AOX1: variants seen among roughly 807,000 people sequenced by gnomAD.
AOX1 encodes the protein aldehyde oxidase 1, also known as aldehyde oxidase.
AOX1 carries 153 observed loss-of-function variants against 169.5 expected under a neutral mutation model. The observed-to-expected ratio is 0.90, with a 90% CI of 0.79 to 1.03. The LOEUF (loss-of-function observed/expected upper bound fraction) is 1.03, where lower values mean the gene tolerates loss of function less well. Among genes scored for constraint, AOX1 ranks in the 50% least tolerant of loss-of-function variants. AOX1 has a pLI of 0.00. For synonymous variants in AOX1, 562 were observed against 581.9 expected (o/e 0.97, Z 0.49); for missense variants, 1,656 against 1,663.9 (o/e 1.00, Z 0.08).
intron 25 of AOX1, among the ~76,000 whole-genome samples, chr2:200,644,672 C>G (rs2035416247): frequency 6.6e-6 from 1 of 152,108 alleles, no homozygotes; most frequent in Non-Finnish European, 1.5e-5. Flanking sequence ...TTGATTCTAC[C>G]CATCCATGAG....
At chr2:200,652,264 A>G (rs1034360401) in intron 26 of AOX1, among the ~76,000 whole-genome samples, 5 of 152,294 alleles carry the variant, frequency 3.3e-5, no homozygotes, top group Non-Finnish European at 5.9e-5. Flanking sequence ...CTTTGATTGT[A>G]GGCAGGTGGT....
At chr2:200,626,263 C>CG in intron 19 of AOX1, among the ~76,000 whole-genome samples, 1 of 152,324 alleles carries the variant, frequency 6.6e-6, no homozygotes, top group South Asian at 2.1e-4. Context: ...TGGGCCCCAC[C>CG]GGTGCTATAA....
chr2:200,661,854 T>G (rs914666154), intron 30 of AOX1, among the ~76,000 whole-genome samples: 1 of 152,182 alleles, frequency 6.6e-6, no homozygotes, highest in Non-Finnish European at 1.5e-5. Flanking sequence ...GCACACAAAA[T>G]TCAGCTTAAC....
intron 32 of AOX1, 78 bp from the exon 33 acceptor site, chr2:200,668,537 C>G (rs2035966889): frequency 8.0e-7 from 1 of 1,256,368 alleles, no homozygotes; most frequent in Admixed American, 2.4e-5. Flanking sequence ...TTCAAGCAAA[C>G]AGCATGAAGT....
At chr2:200,637,121 C>A (rs143058314) in intron 22 of AOX1, 77 bp downstream of exon 22, 26,781 of 1,555,814 alleles carry the variant, frequency 0.017, 270 homozygotes, top group Non-Finnish European at 0.02. Flanking sequence ...TGAGGAAGAA[C>A]CTGGGCCAAG....
intron 17 of AOX1, 88 bp downstream of exon 17, chr2:200,620,907 A>G: frequency 6.9e-7 from 1 of 1,451,296 alleles, no homozygotes; most frequent in South Asian, 1.3e-5. Context: ...GTGAAGAAAT[A>G]GGCTATTTGT....
At chr2:200,612,815 C>A (rs748594864) in intron 14 of AOX1, 22 bp downstream of exon 14, 12 of 1,605,362 alleles carry the variant, frequency 7.5e-6, no homozygotes, top group Non-Finnish European at 8.5e-6. Context: ...GAAGTAAGGG[C>A]TCCTCTAATA....
chr2:200,620,664 G>A lies in AOX1; in HGVS notation c.1719G>A (p.Lys573=). 1.3e-6 allele frequency: 2 copies of A among 1,547,414 alleles called. No individual in the cohort carries two copies. The highest frequency in any genetic ancestry group is 1.7e-6 in the Non-Finnish European group (2 of 1,158,128). ...TTATTAAACAGAATATAGGCCCAAAGCAGCATCCTGAAGACCCAATTGGCC... is the reference window on the plus strand; with the variant it reads ...TTATTAAACAGAATATAGGCCCAAAACAGCATCCTGAAGACCCAATTGGCC... ...STLKYQNIGP[K]QHPEDPIGHP... The change falls in exon 17 of 35, where the codon AAG becomes AAA. Residue 573 remains lysine (K), a synonymous_variant. Coordinates refer to ENST00000374700, the MANE Select transcript of AOX1 (RefSeq NM_001159.4).
At chr2:200,628,756 C>G (rs2035054632) in intron 20 of AOX1, among the ~76,000 whole-genome samples, 1 of 152,066 alleles carries the variant, frequency 6.6e-6, no homozygotes, top group African/African-American at 2.4e-5. Flanking sequence ...TGGCAAAAAC[C>G]CCTCTCTACT....
At chr2:200,611,566 G>GAAAA in intron 13 of AOX1, 73 bp downstream of exon 13, 2 of 998,078 alleles carry the variant, frequency 2.0e-6, no homozygotes, top group African/African-American at 1.6e-5. Context: ...GTATATGGTG[G>GAAAA]AATAAGAAAA....
rs773300881 is a variant in AOX1, at chr2:200,611,386, G to C, written c.1156G>C (p.Gly386Arg). ...GAAAGTGTCATTTCTTTCCACAGAA[G>C]GAAAACGACAGATTCCTTTAAATGA... ...NCTLNLLSKE[G>R]KRQIPLNEQF... is the part of the protein sequence containing the mutation. The change falls in exon 13 of 35, where the codon GGA (glycine) becomes CGA (arginine). Residue 386 changes from glycine to arginine, a missense_variant and splice_region_variant. Coordinates refer to ENST00000374700, the MANE Select transcript of AOX1 (RefSeq NM_001159.4). The C allele has an allele frequency of 1.9e-6, 3 of 1,609,040 alleles. No individual in the cohort carries two copies. The Admixed American group carries it at 5.0e-5, about 27-fold the overall frequency.
chr2:200,666,907 C>T (rs1389174155), intron 32 of AOX1, among the ~76,000 whole-genome samples, 155 bp downstream of exon 32: 3 of 152,112 alleles, frequency 2.0e-5, no homozygotes, highest in Non-Finnish European at 4.4e-5. Context: ...AAATGTTTTA[C>T]TGTTTAAAAG....
At chr2:200,644,337 T>C (rs1242568453) in intron 25 of AOX1, among the ~76,000 whole-genome samples, 1 of 152,196 alleles carries the variant, frequency 6.6e-6, no homozygotes, top group African/African-American at 2.4e-5. Flanking sequence ...CCACTTTACG[T>C]TTTTGTTCGC....
intron 20 of AOX1, among the ~76,000 whole-genome samples, chr2:200,632,534 G>A (rs1045178951): frequency 6.6e-6 from 1 of 151,592 alleles, no homozygotes; most frequent in African/African-American, 2.4e-5. Context: ...ACACAATTTA[G>A]GAAACCCAAG....
rs772922390 is a variant in AOX1, at chr2:200,620,678, AC to A, written c.1736del (p.Pro579GlnfsTer12). ...ATAGGCCCAAAGCAGCATCCTGAAG[AC>A]CCAATTGGCCACCCCATCATGCATC... Reference protein sequence around the residue: ...QNIGPKQHPEDPIGHPIMHLS... With the variant: ...QNIGPKQHPEXPIGHPIMHLS... On this transcript the variant is annotated frameshift_variant, in exon 17 of 35. Coordinates refer to ENST00000374700, the MANE Select transcript of AOX1 (RefSeq NM_001159.4). LOFTEE classifies it high-confidence loss of function. 3 of 1,562,330 alleles carry A rather than the reference AC, an allele frequency of 1.9e-6. No homozygotes were observed. Among genetic ancestry groups the A allele is most frequent in the South Asian group, 1.3e-5 (1 of 78,468 alleles).
intron 16 of AOX1, 96 bp downstream of exon 16, chr2:200,616,159 T>G (rs1283177735): frequency 1.8e-5 from 16 of 870,856 alleles, no homozygotes; most frequent in Non-Finnish European, 2.2e-5. Flanking sequence ...TCAAGCTCTG[T>G]AAGTCCAAGC....
At chr2:200,613,775 G>T (rs2034693058) in intron 14 of AOX1, 29 bp from the exon 15 acceptor site, 9 of 1,604,150 alleles carry the variant, frequency 5.6e-6, no homozygotes, top group Non-Finnish European at 7.7e-6. Context: ...ACCCTGTCAG[G>T]CTAGGAGTCT....
chr2:200,611,431 C>A lies in AOX1; in HGVS notation c.1201C>A (p.Pro401Thr), dbSNP rs753517873. ...AAATGAGCAATTCCTCAGCAAGTGCCCTAATGCAGATCTTAAGCCTCAAGA... is the reference window on the plus strand; with the variant it reads ...AAATGAGCAATTCCTCAGCAAGTGCACTAATGCAGATCTTAAGCCTCAAGA... ...PLNEQFLSKCPNADLKPQEIL... is the reference protein window; with the variant it reads ...PLNEQFLSKCTNADLKPQEIL... Residue 401 changes from proline (P) to threonine (T), a missense_variant, in exon 13 of 35, where the codon CCT (proline) becomes ACT (threonine). By Grantham distance (38) the Pro-to-Thr change is conservative (BLOSUM62 -1). Transcript: ENST00000374700. 6.2e-7 allele frequency: 1 copy of A among 1,613,952 alleles called. No homozygotes were observed. The highest frequency in any genetic ancestry group is 8.5e-7 in the Non-Finnish European group (1 of 1,179,920).
chr2:200,624,298 C>A (rs1423350159), intron 19 of AOX1, among the ~76,000 whole-genome samples: 1 of 152,186 alleles, frequency 6.6e-6, no homozygotes, highest in African/African-American at 2.4e-5. Flanking sequence ...AAGCACAAAT[C>A]CTGAGATCCA....
Sources: allele counts gnomAD v4.1 joint callset (sites outside exome capture counted in the v4.1 genomes callset), GRCh38; gene constraint gnomAD v4.1.1; transcripts MANE v1.5; gene names NCBI Gene and HGNC (gene_info 2026-07-23, HGNC 2026-07-21).